ZFHX3: variants seen among roughly 807,000 people sequenced by gnomAD.
The protein encoded by ZFHX3 is zinc finger homeobox 3.
In ZFHX3, 42 loss-of-function variants were observed where a neutral mutation model predicts 279.1. The observed-to-expected ratio is 0.15, with a 90% confidence interval of 0.12 to 0.19. ZFHX3 has a LOEUF of 0.19. Among genes scored for constraint, ZFHX3 ranks in the 10% least tolerant of loss-of-function variants. The probability of loss-of-function intolerance (pLI) is 1.00; values close to 1 mark genes in which losing one functional copy is unlikely to be tolerated. For missense variants in ZFHX3, 4,981 were observed against 4,754.0 expected (o/e 1.05, Z -1.40); for synonymous variants, 2,293 against 1,957.8 (o/e 1.17, Z -4.52).
At chr16:73,625,309 A>G (rs1166365136) in intron 2 of ZFHX3, among the ~76,000 whole-genome samples, 1 of 152,248 alleles carries the variant, frequency 6.6e-6, no homozygotes, top group Non-Finnish European at 1.5e-5. Context: ...CACTTCACCA[A>G]TGGGAAGGCA....
chr16:73,175,996 T>A (rs1418446029), intron 5 of ZFHX3, among the ~76,000 whole-genome samples: 1 of 152,202 alleles, frequency 6.6e-6, no homozygotes, highest in Non-Finnish European at 1.5e-5. Context: ...ACCTTTCTTC[T>A]GCTAATACCA....
chr16:73,430,884 C>G (rs145514373), intron 3 of ZFHX3, among the ~76,000 whole-genome samples: 147 of 152,306 alleles, frequency 9.7e-4, no homozygotes, highest in African/African-American at 3.4e-3. Flanking sequence ...CGCTAATTAC[C>G]TTTGTGTTTC....
chr16:73,159,418 A>T (rs889508937), intron 5 of ZFHX3, among the ~76,000 whole-genome samples: 5 of 152,072 alleles, frequency 3.3e-5, no homozygotes, highest in African/African-American at 4.8e-5. Flanking sequence ...GGTGACACAA[A>T]CCCAAACTGG....
intron 1 of ZFHX3, among the ~76,000 whole-genome samples, chr16:73,017,194 C>G (rs73594757): frequency 0.058 from 8,738 of 150,092 alleles, 593 homozygotes; most frequent in East Asian, 0.3. Flanking sequence ...GATTGTGCCA[C>G]TGCAATCCAG....
chr16:73,295,736 G>A (rs1039567836), intron 4 of ZFHX3, among the ~76,000 whole-genome samples: 10 of 152,208 alleles, frequency 6.6e-5, no homozygotes, highest in African/African-American at 2.4e-4. Context: ...GGATGGATGA[G>A]AAGGCAGTGG....
rs1363711018 is a variant in ZFHX3, at chr16:72,958,748, TTCC to T, written c.1395_1397del (p.Glu471del). The T allele has an allele frequency of 6.2e-7, 1 of 1,612,852 alleles. No homozygotes were observed. The highest frequency in any genetic ancestry group is 1.3e-5 in the African/African-American group (1 of 74,864). ...CCTCCTCCGCCTCTTCCTCCTCCTC[TTCC>T]TCCTCCGCCTCCTCTTCGGCTGGCT... On this transcript the variant is annotated inframe_deletion, in exon 2 of 10. Coordinates refer to ENST00000268489, the MANE Select transcript of ZFHX3 (RefSeq NM_006885.4).
chr16:73,385,267 C>A (rs1286736434), intron 3 of ZFHX3, among the ~76,000 whole-genome samples: 1 of 151,586 alleles, frequency 6.6e-6, no homozygotes, highest in Non-Finnish European at 1.5e-5. Flanking sequence ...TTGTGCTTTG[C>A]AATTGAAAAA....
At chr16:72,853,368 A>C (rs906764890) in intron 4 of ZFHX3, among the ~76,000 whole-genome samples, 2 of 152,252 alleles carry the variant, frequency 1.3e-5, no homozygotes, top group African/African-American at 2.4e-5. Flanking sequence ...CAAGGGAATA[A>C]CACCACAAAA....
chr16:73,404,660 G>A (rs1432468157), intron 3 of ZFHX3, among the ~76,000 whole-genome samples: 1 of 152,058 alleles, frequency 6.6e-6, no homozygotes, highest in Non-Finnish European at 1.5e-5. Context: ...TTCATTATAA[G>A]CATGTAACAG....
chr16:73,048,922 G>A (rs75325253), upstream of ZFHX3, among the ~76,000 whole-genome samples: 6 of 152,310 alleles, frequency 3.9e-5, no homozygotes, highest in South Asian at 2.1e-4. Flanking sequence ...TACCATGTAA[G>A]CCTCCAGGCT....
chr16:73,101,607 G>A (rs1966231865), intron 7 of ZFHX3, among the ~76,000 whole-genome samples: 1 of 151,356 alleles, frequency 6.6e-6, no homozygotes, highest in Non-Finnish European at 1.5e-5. Flanking sequence ...TCACCATGTT[G>A]GCCAGGCTGG....
chr16:73,016,461 T>A (rs549599899), intron 1 of ZFHX3, among the ~76,000 whole-genome samples: 24 of 152,238 alleles, frequency 1.6e-4, no homozygotes, highest in Non-Finnish European at 2.9e-4. Context: ...AGATACGACT[T>A]TGAATAGTGA....
At chr16:73,527,407 A>G (rs1388639250) in intron 2 of ZFHX3, among the ~76,000 whole-genome samples, 1 of 152,152 alleles carries the variant, frequency 6.6e-6, no homozygotes, top group Non-Finnish European at 1.5e-5. Context: ...AATACTGTAC[A>G]TACAGACAGG....
chr16:73,428,076 C>G (rs576209215), intron 3 of ZFHX3, among the ~76,000 whole-genome samples: 12 of 152,290 alleles, frequency 7.9e-5, no homozygotes, highest in Non-Finnish European at 1.3e-4. Context: ...GGGAGGTCTA[C>G]TAAGCCGGGT....
At chr16:73,088,545 G>A (rs955593013) in intron 8 of ZFHX3, among the ~76,000 whole-genome samples, 2 of 152,190 alleles carry the variant, frequency 1.3e-5, no homozygotes, top group African/African-American at 4.8e-5. Context: ...CTATCTGCAT[G>A]TCGATTCTAG....
At chr16:73,748,857 C>T (rs377319073) in intron 1 of ZFHX3, among the ~76,000 whole-genome samples, 54 of 151,890 alleles carry the variant, frequency 3.6e-4, no homozygotes, top group African/African-American at 1.2e-3. Flanking sequence ...GCGCAGTCTT[C>T]GCTCACTGCA....
chr16:72,972,105 C>A (rs1282092819), intron 1 of ZFHX3, among the ~76,000 whole-genome samples: 1 of 152,032 alleles, frequency 6.6e-6, no homozygotes, highest in Non-Finnish European at 1.5e-5. Context: ...GTTGGCCAGG[C>A]TGGTCTTGAA....
chr16:73,603,989 G>C (rs949784969), intron 2 of ZFHX3, among the ~76,000 whole-genome samples: 1 of 151,800 alleles, frequency 6.6e-6, no homozygotes, highest in Non-Finnish European at 1.5e-5. Flanking sequence ...ATGTTGGCCA[G>C]GCTGCTCTCG....
chr16:73,011,074 C>T (rs1293492880), intron 1 of ZFHX3, among the ~76,000 whole-genome samples: 4 of 152,064 alleles, frequency 2.6e-5, no homozygotes, highest in Admixed American at 1.3e-4. Context: ...CTCGACCTCC[C>T]GGGTTTAAGC....
Sources: gnomAD v4.1 joint callset for allele counts (sites outside exome capture counted in the v4.1 genomes callset) on GRCh38, gnomAD v4.1.1 for gene constraint, MANE v1.5 for transcripts, NCBI Gene and HGNC (gene_info 2026-07-23, HGNC 2026-07-21) for gene names.